GPHN: variants seen among roughly 807,000 people sequenced by gnomAD.
GPHN encodes gephyrin.
Under a neutral mutation model 95.5 loss-of-function variants are expected in GPHN, and 17 were observed. The ratio of observed to expected loss-of-function variants is 0.18; its 90% confidence interval spans 0.12 to 0.27. The LOEUF (loss-of-function observed/expected upper bound fraction) is 0.27. Among genes scored for constraint, GPHN ranks in the 10% least tolerant of loss-of-function variants. The pLI, the probability that GPHN is intolerant of heterozygous loss-of-function variation, is 1.00. For synonymous variants in GPHN, 320 were observed against 322.5 expected (o/e 0.99, Z 0.08); for missense variants, 660 against 978.1 (o/e 0.67, Z 4.34).
the GPHN span, chr14:67,472,244 G>A: frequency 1.3e-5 from 2 of 152,504 alleles, no homozygotes; most frequent in African/African-American, 2.4e-5. Context: ...CAGCTGCAAG[G>A]TCCTCCTCTC....
At chr14:66,742,485 C>T (rs1180966976) in intron 2 of GPHN, among the ~76,000 whole-genome samples, 3 of 152,038 alleles carry the variant, frequency 2.0e-5, no homozygotes, top group African/African-American at 7.2e-5. Context: ...CTATATAGCT[C>T]TTGTTATAGA....
chr14:67,430,692 A>G, the GPHN span, among the ~76,000 whole-genome samples: 1 of 152,086 alleles, frequency 6.6e-6, no homozygotes, highest in African/African-American at 2.4e-5. Flanking sequence ...GACCGGTGCA[A>G]TATCAGGCGC....
At chr14:66,723,895 T>C (rs2070982564) in intron 2 of GPHN, among the ~76,000 whole-genome samples, 1 of 152,008 alleles carries the variant, frequency 6.6e-6, no homozygotes, top group African/African-American at 2.4e-5. Flanking sequence ...ATACAAGCAC[T>C]GATTTTTCTT....
chr14:66,589,248 A>AG (rs1394747823), intron 1 of GPHN, among the ~76,000 whole-genome samples: 2 of 152,190 alleles, frequency 1.3e-5, no homozygotes, highest in Non-Finnish European at 2.9e-5. Flanking sequence ...AAATATGGGA[A>AG]GAAAAAACCG....
the GPHN span, among the ~76,000 whole-genome samples, chr14:67,511,508 G>T: frequency 6.6e-6 from 1 of 152,010 alleles, no homozygotes; most frequent in African/African-American, 2.4e-5. Context: ...CGAGAATCCC[G>T]AAAAAAATAT....
chr14:67,074,525 G>T (rs72715336), intron 11 of GPHN, among the ~76,000 whole-genome samples: 10,103 of 152,118 alleles, frequency 0.066, 359 homozygotes, highest in Middle Eastern at 0.085. Flanking sequence ...GACACAGCAA[G>T]ATTGAAAGTA....
At chr14:67,408,295 T>TA in the GPHN span, among the ~76,000 whole-genome samples, 3 of 116,716 alleles carry the variant, frequency 2.6e-5, no homozygotes, top group Non-Finnish European at 5.1e-5. Context: ...TCAAAATAAA[T>TA]AAATAAAATA....
intron 10 of GPHN, among the ~76,000 whole-genome samples, chr14:67,026,704 G>A (rs1218027421): frequency 7.2e-5 from 11 of 152,008 alleles, no homozygotes; most frequent in Non-Finnish European, 1.3e-4. Flanking sequence ...GTGCAGTGGC[G>A]CGATCTCGGC....
intron 1 of GPHN, among the ~76,000 whole-genome samples, chr14:66,654,024 G>A (rs2065183732): frequency 1.3e-5 from 2 of 152,258 alleles, no homozygotes; most frequent in Non-Finnish European, 2.9e-5. Context: ...CTGTAAAATT[G>A]TGCATTCCAA....
At chr14:67,094,999 G>T (rs2077294681) in intron 12 of GPHN, among the ~76,000 whole-genome samples, 1 of 152,196 alleles carries the variant, frequency 6.6e-6, no homozygotes, top group African/African-American at 2.4e-5. Context: ...ATCTAGGTTT[G>T]TGTTAGTACA....
chr14:67,155,336 T>C (rs2081519297), intron 18 of GPHN, among the ~76,000 whole-genome samples: 1 of 152,188 alleles, frequency 6.6e-6, no homozygotes, highest in Non-Finnish European at 1.5e-5. Context: ...TATATCATTG[T>C]CCAAAGCCTT....
At chr14:67,448,601 T>G in the GPHN span, among the ~76,000 whole-genome samples, 1 of 151,966 alleles carries the variant, frequency 6.6e-6, no homozygotes, top group Non-Finnish European at 1.5e-5. Context: ...GGGGATGGTT[T>G]GCAGTTTCCA....
chr14:66,652,264 T>A (rs950841451), intron 1 of GPHN, among the ~76,000 whole-genome samples: 4 of 152,172 alleles, frequency 2.6e-5, no homozygotes, highest in African/African-American at 9.6e-5. Flanking sequence ...ATTCACTTCA[T>A]TCCCCTATTG....
chr14:66,765,235 G>T (rs965725499), intron 2 of GPHN, among the ~76,000 whole-genome samples: 7 of 152,118 alleles, frequency 4.6e-5, no homozygotes, highest in African/African-American at 1.7e-4. Context: ...AAATTAATTT[G>T]CCCATTGTGA....
the GPHN span, chr14:67,722,541 CA>C: frequency 1.1e-6 from 1 of 939,980 alleles, no homozygotes; most frequent in Non-Finnish European, 1.8e-6. Context: ...AGAGAAGCAG[CA>C]GAAGCAGCCA....
chr14:67,126,411 C>T (rs2079320542), intron 17 of GPHN, among the ~76,000 whole-genome samples: 1 of 152,084 alleles, frequency 6.6e-6, no homozygotes, highest in Non-Finnish European at 1.5e-5. Flanking sequence ...TTTTATAAAC[C>T]TCTAGTTTCA....
chr14:67,124,082 C>T (rs916471159), intron 17 of GPHN, among the ~76,000 whole-genome samples: 88 of 152,040 alleles, frequency 5.8e-4, no homozygotes, highest in African/African-American at 2.1e-3. Context: ...TTAAAATCTT[C>T]ACCATTTGTA....
chr14:67,655,506 T>G, the GPHN span, among the ~76,000 whole-genome samples: 1 of 152,216 alleles, frequency 6.6e-6, no homozygotes, highest in East Asian at 1.9e-4. Flanking sequence ...GGATAATCCT[T>G]AGACATTTTT....
chr14:67,630,830 G>C, the GPHN span, among the ~76,000 whole-genome samples: 5 of 152,176 alleles, frequency 3.3e-5, no homozygotes, highest in African/African-American at 1.2e-4. Context: ...TGATCCACCT[G>C]CCTTGGCCTC....
Sources: gnomAD v4.1 joint callset for allele counts (sites outside exome capture counted in the v4.1 genomes callset) on GRCh38, gnomAD v4.1.1 for gene constraint, MANE v1.5 for transcripts, NCBI Gene and HGNC (gene_info 2026-07-23, HGNC 2026-07-21) for gene names.